Variants in RC3H1 observed in about 807,000 individuals in gnomAD.
RC3H1 encodes the protein roquin-1.
In RC3H1, 50 loss-of-function variants were observed where a neutral mutation model predicts 138.2. The ratio of observed to expected loss-of-function variants is 0.36; its 90% CI spans 0.29 to 0.46. The LOEUF (loss-of-function observed/expected upper bound fraction) is 0.46. RC3H1 is among the 20% of genes least tolerant of loss of function. RC3H1 has a pLI of 1.00. For missense variants in RC3H1, 1,031 were observed against 1,388.1 expected (o/e 0.74, Z 4.09); for synonymous variants, 462 against 489.1 (o/e 0.94, Z 0.73).
At chr1:174,021,767 C>G (rs1229449498) in intron 1 of RC3H1, among the ~76,000 whole-genome samples, 1 of 152,208 alleles carries the variant, frequency 6.6e-6, no homozygotes, top group Non-Finnish European at 1.5e-5. Flanking sequence ...CTGGCCCAGG[C>G]CCTGGGAGTA....
intron 13 of RC3H1, among the ~76,000 whole-genome samples, chr1:173,955,514 G>T (rs1659600862): frequency 1.3e-5 from 2 of 151,306 alleles, no homozygotes; most frequent in Non-Finnish European, 2.9e-5. Context: ...GTAGAGACAG[G>T]GTTTCACTGT....
chr1:174,004,869 TTTC>T (rs1359379122), intron 1 of RC3H1, among the ~76,000 whole-genome samples: 3 of 151,616 alleles, frequency 2.0e-5, no homozygotes, highest in Non-Finnish European at 4.4e-5. Context: ...AGGCCCTAGG[TTTC>T]TTCCCCAACA....
At chr1:173,978,878 C>A (rs1660687810) in intron 6 of RC3H1, among the ~76,000 whole-genome samples, 1 of 152,100 alleles carries the variant, frequency 6.6e-6, no homozygotes, top group African/African-American at 2.4e-5. Flanking sequence ...ATTCAGCCTA[C>A]CATCAATTAG....
rs1180211042 is a variant in RC3H1, at chr1:173,947,394, A to G, written c.2712T>C (p.Ala904=). The change falls in exon 15 of 20, where the codon GCT becomes GCC. Residue 904 remains alanine (A), a synonymous_variant. Transcript: ENST00000367696. ...GPMQAMAPQG[A]PTKSINISDY... ...CTGAAATGTTAATAGATTTTGTAGG[A>G]GCTCCCTGAGGTGCCATAGCCTGCA... is the stretch of plus-strand genomic sequence containing the variant. 1 of 1,613,532 alleles carries G rather than the reference A, an allele frequency of 6.2e-7. No individual in the cohort carries two copies. Among genetic ancestry groups the G allele is most frequent in the Non-Finnish European group, 8.5e-7 (1 of 1,179,686 alleles).
intron 19 of RC3H1, among the ~76,000 whole-genome samples, chr1:173,939,795 A>G (rs1376968322): frequency 6.6e-6 from 1 of 151,926 alleles, no homozygotes; most frequent in African/African-American, 2.4e-5. Flanking sequence ...AGATCATGCC[A>G]TTGCACTCCA....
At chr1:173,950,714 T>A (rs1659357943) in intron 14 of RC3H1, among the ~76,000 whole-genome samples, 1 of 152,030 alleles carries the variant, frequency 6.6e-6, no homozygotes, top group South Asian at 2.1e-4. Flanking sequence ...CTTGAAAATT[T>A]TATTTCTTTA....
Position 173,936,887 on chromosome 1 carries a change from A to G in RC3H1, c.*1834T>C, listed in dbSNP as rs991498323. The stretch of plus-strand genomic sequence containing the variant: ...TCAATTTATCGCAACAGCTGCGCTC[A>G]TGCGAAAAAATCCTTAAAACATACC... On this transcript the variant is annotated 3_prime_UTR_variant, in exon 20 of 20. Coordinates refer to ENST00000367696, the MANE Select transcript of RC3H1 (RefSeq NM_172071.4). The G allele has an allele frequency of 6.9e-6, 1 of 145,434 alleles. No homozygotes were observed. The highest frequency in any genetic ancestry group is 1.5e-5 in the Non-Finnish European group (1 of 66,538). The allele number at this position is 145,434 out of a possible 1,614,324, so 9.0% of individuals were successfully genotyped here. A position where few individuals can be genotyped will look rare whatever the true frequency, so the allele number is the denominator to read the frequency against.
intron 13 of RC3H1, among the ~76,000 whole-genome samples, chr1:173,955,545 T>A (rs1359314843): frequency 4.6e-5 from 7 of 151,246 alleles, no homozygotes; most frequent in Admixed American, 2.6e-4. Flanking sequence ...GGTCTTGATC[T>A]CCTGACCTCA....
Position 173,981,046 on chromosome 1 carries a change from A to G in RC3H1, c.769-37T>C, listed in dbSNP as rs746662085. 4.1e-5 allele frequency: 65 copies of G among 1,567,858 alleles called. No homozygotes were observed. The South Asian group carries it at 5.7e-4, about 14-fold the overall frequency. ...CAAATAATCTCATAATGAAGTCAAA[A>G]AAATGAGTTTATGCTTTATATGAAC... On this transcript the variant is annotated intron_variant, in intron 5 of 19. Transcript: ENST00000367696.
At chr1:173,982,271 C>G (rs1270200941) in intron 5 of RC3H1, among the ~76,000 whole-genome samples, 1 of 151,094 alleles carries the variant, frequency 6.6e-6, no homozygotes, top group Non-Finnish European at 1.5e-5. Context: ...CCCAGCTACT[C>G]GGGAGGCTGA....
chr1:173,982,681 A>C, intron 5 of RC3H1, 46 bp downstream of exon 5: 1 of 1,461,720 alleles, frequency 6.8e-7, no homozygotes, highest in Non-Finnish European at 9.1e-7. Flanking sequence ...ACTTTGGGGA[A>C]AGAACAATAT....
chr1:173,986,350 C>T (rs932083547), intron 2 of RC3H1, among the ~76,000 whole-genome samples: 3 of 151,866 alleles, frequency 2.0e-5, no homozygotes, highest in African/African-American at 4.8e-5. Flanking sequence ...TCCAGGATAC[C>T]ATATTACACT....
chr1:173,992,687 CACACACACACACAGAGAG>C, intron 2 of RC3H1, 50 bp downstream of exon 2: 1 of 1,156,204 alleles, frequency 8.6e-7, no homozygotes, highest in African/African-American at 1.5e-5. Flanking sequence ...CACACACACA[CACACACACACACAGAGAG>C]AGAGAGAGAG....
At chr1:173,955,166 C>G (rs1337574825) in intron 13 of RC3H1, among the ~76,000 whole-genome samples, 1 of 135,470 alleles carries the variant, frequency 7.4e-6, no homozygotes, top group Non-Finnish European at 1.5e-5. Flanking sequence ...GCGGAGGTTG[C>G]AGTGAGCCGA....
At chr1:173,952,269 A>ATGATTATT in intron 13 of RC3H1, 131 bp from the exon 14 acceptor site, 2 of 499,638 alleles carry the variant, frequency 4.0e-6, no homozygotes, top group Non-Finnish European at 6.3e-6. Context: ...CAACATAATG[A>ATGATTATT]TGATTATTTG....
At chr1:173,962,940 T>C (rs532914283) in intron 11 of RC3H1, among the ~76,000 whole-genome samples, 1 of 152,250 alleles carries the variant, frequency 6.6e-6, no homozygotes, top group South Asian at 2.1e-4. Flanking sequence ...GAAGACAACA[T>C]GATTCAAAAT....
intron 7 of RC3H1, among the ~76,000 whole-genome samples, chr1:173,976,126 A>G (rs1009735702): frequency 1.3e-5 from 2 of 151,722 alleles, no homozygotes; most frequent in African/African-American, 4.8e-5. Context: ...AGAAAAAAGC[A>G]TTTCAAGGAA....
At chr1:173,961,314 G>C (rs946088225) in intron 12 of RC3H1, 70 bp from the exon 13 acceptor site, 1 of 1,382,412 alleles carries the variant, frequency 7.2e-7, no homozygotes, top group Middle Eastern at 2.5e-4. Flanking sequence ...AATATACTCA[G>C]CGTATATTTT....
intron 14 of RC3H1, 115 bp downstream of exon 14, chr1:173,951,871 A>T (rs915519399): frequency 1.1e-6 from 1 of 905,470 alleles, no homozygotes; most frequent in Non-Finnish European, 1.6e-6. Flanking sequence ...AGAGTATAGA[A>T]TATGGTCTGA....
Sources: gnomAD v4.1 joint callset for allele counts (sites outside exome capture counted in the v4.1 genomes callset) on GRCh38, gnomAD v4.1.1 for gene constraint, MANE v1.5 for transcripts, NCBI Gene and HGNC (gene_info 2026-07-23, HGNC 2026-07-21) for gene names.